Variants in ALK observed in about 807,000 individuals in gnomAD.
The protein encoded by ALK is ALK tyrosine kinase receptor.
A neutral mutation model predicts 163.1 loss-of-function variants in ALK; 74 were observed. The ratio of observed to expected loss-of-function variants is 0.45; its 90% CI spans 0.38 to 0.55. The LOEUF is 0.55. ALK is among the 20% of genes least tolerant of loss of function. The probability of loss-of-function intolerance (pLI) is 0.00; values close to 1 mark genes in which losing one functional copy is unlikely to be tolerated. For synonymous variants in ALK, 960 were observed against 843.2 expected, an observed-to-expected ratio of 1.14 and a Z score of -2.40; for missense variants, 2,063 against 2,105.3, an observed-to-expected ratio of 0.98 and a Z score of 0.39.
chr2:29,250,968 A>AC, intron 12 of ALK, 137 bp downstream of exon 12: 1 of 780,446 alleles, frequency 1.3e-6, no homozygotes, highest in African/African-American at 1.8e-5. Context: ...CAACCTTTAT[A>AC]CCCCCTATGG....
At chr2:29,280,019 T>C (rs1363686365) in intron 9 of ALK, among the ~76,000 whole-genome samples, 3 of 151,828 alleles carry the variant, frequency 2.0e-5, no homozygotes, top group Admixed American at 2.0e-4. Flanking sequence ...AAAATTCTGT[T>C]ATATACCAGG....
chr2:29,470,374 A>G (rs942434798), intron 4 of ALK, among the ~76,000 whole-genome samples: 1 of 152,200 alleles, frequency 6.6e-6, no homozygotes, highest in African/African-American at 2.4e-5. Flanking sequence ...AAAACTTCAA[A>G]CTTCTCTGTG....
At chr2:29,485,080 G>A (rs199815608) in intron 4 of ALK, among the ~76,000 whole-genome samples, 7 of 151,974 alleles carry the variant, frequency 4.6e-5, no homozygotes, top group East Asian at 3.9e-4. Flanking sequence ...GCCCTTCTTC[G>A]GTTCCAGAAA....
chr2:29,597,544 G>C (rs1426138584), intron 3 of ALK, among the ~76,000 whole-genome samples: 2 of 152,122 alleles, frequency 1.3e-5, no homozygotes, highest in African/African-American at 4.8e-5. Context: ...TTCCTAACAG[G>C]AAAGGTGACT....
At chr2:29,669,701 G>A (rs1272181512) in intron 3 of ALK, among the ~76,000 whole-genome samples, 1 of 151,862 alleles carries the variant, frequency 6.6e-6, no homozygotes, top group African/African-American at 2.4e-5. Flanking sequence ...GTGGTTAAGT[G>A]ATTTTCTCTG....
chr2:29,829,135 A>AT (rs1665290744), intron 1 of ALK, among the ~76,000 whole-genome samples: 1 of 124,774 alleles, frequency 8.0e-6, no homozygotes, highest in South Asian at 2.9e-4. Context: ...TGGACACAGG[A>AT]AGGGGAACAT....
chr2:29,260,883 G>A (rs1665070960), intron 11 of ALK, among the ~76,000 whole-genome samples: 1 of 151,810 alleles, frequency 6.6e-6, no homozygotes, highest in Non-Finnish European at 1.5e-5. Context: ...AACGCAGTTT[G>A]CTTTCTGAGG....
At chr2:29,431,659 A>G (rs956208434) in intron 4 of ALK, among the ~76,000 whole-genome samples, 2 of 152,166 alleles carry the variant, frequency 1.3e-5, no homozygotes, top group African/African-American at 2.4e-5. Flanking sequence ...GTAAGTGTTC[A>G]TGTAGGTCTG....
intron 2 of ALK, among the ~76,000 whole-genome samples, chr2:29,695,324 G>T (rs1025693803): frequency 6.6e-6 from 1 of 152,194 alleles, no homozygotes; most frequent in Non-Finnish European, 1.5e-5. Context: ...CATAGAGAGG[G>T]CCTGAGGGTG....
At position 29,920,941 on chromosome 2, in the gene ALK, G is replaced by A; in HGVS notation, c.-282C>T. 2 of 504,076 alleles carry A rather than the reference G, an allele frequency of 4.0e-6. No individual in the cohort carries two copies. The highest frequency in any genetic ancestry group is 3.5e-5 in the Admixed American group (1 of 28,820). The allele number at this position is 504,076 out of a possible 1,614,324, so 31.2% of individuals were successfully genotyped here. A position where few individuals can be genotyped will look rare whatever the true frequency, so the allele number is the denominator to read the frequency against. On this transcript the variant is annotated 5_prime_UTR_variant, in exon 1 of 29. Coordinates refer to ENST00000389048, the MANE Select transcript of ALK (RefSeq NM_004304.5). ...CCTTGAGCCTCCCGCTCTCCGCGCC[G>A]AGTGCCGCGCCCCCGTCTGTAGCTC...
At chr2:29,888,502 G>A (rs1278657263) in intron 1 of ALK, among the ~76,000 whole-genome samples, 1 of 152,126 alleles carries the variant, frequency 6.6e-6, no homozygotes, top group East Asian at 1.9e-4. Context: ...TGCAGATTTT[G>A]CCCTGTGTAG....
At chr2:29,786,516 G>A (rs1320701427) in intron 1 of ALK, among the ~76,000 whole-genome samples, 9 of 152,184 alleles carry the variant, frequency 5.9e-5, no homozygotes, top group African/African-American at 2.2e-4. Flanking sequence ...CGACGGTGCT[G>A]GAGGGCTTCC....
rs539782537 is a variant in ALK, at chr2:29,809,745, A to G, written c.668-92048T>C. ...TGCTGCTCTGTCCTGAATTCAAATG[A>G]TTACTTTCCAGAGACATATACAAGG... On this transcript the variant is annotated intron_variant, in intron 1 of 28. Transcript: ENST00000389048. Among the ~76,000 whole-genome samples the G allele has an allele frequency of 3.3e-4, 50 of 152,324 alleles. 1 individual carries two copies. The South Asian group carries it at 0.01, about 31-fold the overall frequency.
At chr2:29,809,923 A>T (rs773123627) in intron 1 of ALK, among the ~76,000 whole-genome samples, 17 of 152,168 alleles carry the variant, frequency 1.1e-4, no homozygotes, top group Admixed American at 3.9e-4. Context: ...TGGCTTTAGA[A>T]TCTTCCCAAG....
At chr2:29,445,765 T>C (rs1573360788) in intron 4 of ALK, among the ~76,000 whole-genome samples, 1 of 151,962 alleles carries the variant, frequency 6.6e-6, no homozygotes, top group East Asian at 1.9e-4. Context: ...GAAGTGGCAG[T>C]GAGCAGACAC....
In ALK at chr2:29,916,948, G is replaced by C. The variant is rs557829707; in HGVS notation, c.667+3045C>G. On this transcript the variant is annotated intron_variant, in intron 1 of 28. Transcript: ENST00000389048. ...TCTTCTCCATGAATGGGTGAATTTG[G>C]GATCTGCCTCAGACTTGAAATGCCG... 4.6e-4 allele frequency among the ~76,000 whole-genome samples: 70 copies of C among 152,232 alleles called. No individual in the cohort carries two copies. The South Asian group carries it at 4.8e-3, about 10-fold the overall frequency.
At chr2:29,347,171 G>A (rs1017021223) in intron 5 of ALK, among the ~76,000 whole-genome samples, 8 of 152,184 alleles carry the variant, frequency 5.3e-5, no homozygotes, top group African/African-American at 1.9e-4. Flanking sequence ...CACATGGGTG[G>A]TAAGAGGTAG....
At chr2:29,431,560 C>A (rs1177938061) in intron 4 of ALK, among the ~76,000 whole-genome samples, 2 of 152,180 alleles carry the variant, frequency 1.3e-5, no homozygotes, top group Non-Finnish European at 2.9e-5. Context: ...TCTATGCAAA[C>A]CGCCTGCTTG....
chr2:29,893,144 T>A (rs1434016885), intron 1 of ALK, among the ~76,000 whole-genome samples: 1 of 152,188 alleles, frequency 6.6e-6, no homozygotes, highest in African/African-American at 2.4e-5. Flanking sequence ...CAGGCCATAA[T>A]TCTTGAATAT....
Sources: allele counts gnomAD v4.1 joint callset (sites outside exome capture counted in the v4.1 genomes callset), GRCh38; gene constraint gnomAD v4.1.1; transcripts MANE v1.5; gene names NCBI Gene and HGNC (gene_info 2026-07-23, HGNC 2026-07-21).